Variants in TMEM182 observed in about 807,000 individuals in gnomAD.
TMEM182 encodes transmembrane protein 182.
In TMEM182, 20 loss-of-function variants were observed where a neutral mutation model predicts 26.8. The observed-to-expected ratio is 0.75, with a 90% confidence interval of 0.53 to 1.09. TMEM182 has a LOEUF of 1.09. TMEM182 is among the 50% of genes least tolerant of loss of function. The probability of loss-of-function intolerance (pLI) is 0.00; values close to 1 mark genes in which losing one functional copy is unlikely to be tolerated. For missense variants in TMEM182, 277 were observed against 275.5 expected, an observed-to-expected ratio of 1.01 and a Z score of -0.04; for synonymous variants, 109 against 102.2, an observed-to-expected ratio of 1.07 and a Z score of -0.40.
At chr2:102,776,205 G>T (rs1319047982) in intron 3 of TMEM182, among the ~76,000 whole-genome samples, 3 of 152,094 alleles carry the variant, frequency 2.0e-5, no homozygotes, top group African/African-American at 7.2e-5. Flanking sequence ...CTAAAGTCAG[G>T]ATTCACTCTT....
chr2:102,817,727 A>G (rs75614333), downstream of TMEM182: 2,199 of 982,930 alleles, frequency 2.2e-3, 49 homozygotes, highest in African/African-American at 0.035. Flanking sequence ...TATCATCAAT[A>G]TATATGGGTG....
intron 4 of TMEM182, among the ~76,000 whole-genome samples, chr2:102,808,716 G>A (rs1682437735): frequency 6.6e-6 from 1 of 152,080 alleles, no homozygotes; most frequent in South Asian, 2.1e-4. Flanking sequence ...AACAAATTTT[G>A]ATATACTCAT....
At chr2:102,810,887 G>T (rs1440202471) in intron 4 of TMEM182, among the ~76,000 whole-genome samples, 3 of 151,888 alleles carry the variant, frequency 2.0e-5, no homozygotes, top group Non-Finnish European at 2.9e-5. Flanking sequence ...AAGTAGGTTT[G>T]TAACTCATTG....
At chr2:102,823,339 A>ATT (rs201803701) in intron 3 of TMEM182, among the ~76,000 whole-genome samples, 158 of 151,630 alleles carry the variant, frequency 1.0e-3, no homozygotes, top group African/African-American at 3.7e-3. Context: ...TTTATTTTTT[A>ATT]TTTTTATTTT....
At chr2:102,840,216 T>G (rs1194815295) in intron 3 of TMEM182, among the ~76,000 whole-genome samples, 1 of 151,910 alleles carries the variant, frequency 6.6e-6, no homozygotes, top group African/African-American at 2.4e-5. Flanking sequence ...TGGGGAGGGA[T>G]GAGGGAGTGG....
exon 4 of TMEM182, chr2:102,843,479 G>A (rs753563818): frequency 2.0e-5 from 3 of 152,160 alleles, no homozygotes; most frequent in South Asian, 2.1e-4. Context: ...TGCGTGAAAC[G>A]TCTTCAGCCA....
At chr2:102,776,948 T>A (rs540624092) in intron 3 of TMEM182, among the ~76,000 whole-genome samples, 3 of 152,174 alleles carry the variant, frequency 2.0e-5, no homozygotes, top group Non-Finnish European at 4.4e-5. Flanking sequence ...GTATTTCTTC[T>A]TTTGTGAGGC....
downstream of TMEM182, among the ~76,000 whole-genome samples, chr2:102,820,127 C>A (rs1217201259): frequency 2.6e-5 from 4 of 152,178 alleles, no homozygotes; most frequent in African/African-American, 9.7e-5. Context: ...GATTGGTTCC[C>A]TGTCAGCTCC....
intron 3 of TMEM182, among the ~76,000 whole-genome samples, chr2:102,842,272 G>A (rs1683367561): frequency 1.3e-5 from 2 of 152,040 alleles, no homozygotes; most frequent in Admixed American, 6.6e-5. Context: ...TATTTATTCC[G>A]ATTGATGGTG....
rs528086935 is a variant in TMEM182, at chr2:102,816,863, G to T, written c.*1895G>T. On this transcript the variant is annotated 3_prime_UTR_variant, in exon 5 of 5. Coordinates refer to ENST00000412401, the MANE Select transcript of TMEM182 (RefSeq NM_144632.5). The stretch of plus-strand genomic sequence containing the variant: ...TTCTGGTGTACTGTATGCCATTTAA[G>T]TTTCACATACAAGCTGCTTTCGGCA... The T allele has an allele frequency of 7.4e-5, 73 of 985,630 alleles. No individual in the cohort carries two copies. Among genetic ancestry groups the T allele is most frequent in the Non-Finnish European group, 8.7e-5 (72 of 829,922 alleles). The allele number at this position is 985,630 out of a possible 1,614,324, so 61.1% of individuals were successfully genotyped here. A position where few individuals can be genotyped will look rare whatever the true frequency, so the allele number is the denominator to read the frequency against.
intron 4 of TMEM182, among the ~76,000 whole-genome samples, chr2:102,809,711 A>G (rs972174307): frequency 6.6e-6 from 1 of 152,206 alleles, no homozygotes; most frequent in Non-Finnish European, 1.5e-5. Flanking sequence ...AGCCACAATG[A>G]GGAAGCCGAT....
intron 3 of TMEM182, among the ~76,000 whole-genome samples, chr2:102,788,022 C>G (rs943060745): frequency 2.0e-5 from 3 of 152,112 alleles, no homozygotes; most frequent in African/African-American, 7.2e-5. Context: ...ATCACAGTGT[C>G]CCAGTGGGCT....
chr2:102,750,115 A>G (rs1053724084), intron 1 of TMEM182, among the ~76,000 whole-genome samples: 9 of 152,136 alleles, frequency 5.9e-5, no homozygotes, highest in African/African-American at 2.2e-4. Context: ...TTGCTTAAGT[A>G]GTATGCTACT....
intron 3 of TMEM182, among the ~76,000 whole-genome samples, chr2:102,786,370 G>A (rs1488651557): frequency 3.3e-5 from 5 of 151,838 alleles, no homozygotes; most frequent in South Asian, 2.1e-4. Flanking sequence ...GCCTGCCACC[G>A]CACCTGGCTA....
At chr2:102,755,739 C>T (rs547295183) in intron 1 of TMEM182, among the ~76,000 whole-genome samples, 1 of 152,260 alleles carries the variant, frequency 6.6e-6, no homozygotes, top group Non-Finnish European at 1.5e-5. Context: ...GCCAATGTCC[C>T]CAGTAACGTC....
intron 3 of TMEM182, among the ~76,000 whole-genome samples, chr2:102,783,203 A>T (rs1420834599): frequency 6.6e-6 from 1 of 152,220 alleles, no homozygotes; most frequent in African/African-American, 2.4e-5. Flanking sequence ...ACCCCCTCCT[A>T]AACCATATAC....
intron 4 of TMEM182, among the ~76,000 whole-genome samples, chr2:102,805,972 A>T (rs563699840): frequency 1.3e-5 from 2 of 152,304 alleles, no homozygotes; most frequent in South Asian, 4.1e-4. Context: ...GAAAAGGCAG[A>T]CTGAATTTCC....
At chr2:102,755,724 T>G (rs1186449717) in intron 1 of TMEM182, among the ~76,000 whole-genome samples, 1 of 152,206 alleles carries the variant, frequency 6.6e-6, no homozygotes, top group Non-Finnish European at 1.5e-5. Context: ...ATGCTATTTG[T>G]AGGGGCCAAT....
intron 1 of TMEM182, among the ~76,000 whole-genome samples, chr2:102,745,391 ATAGCTTCAACATAGGAGTCATATCTGGGT>A (rs1296053246): frequency 6.6e-6 from 1 of 152,074 alleles, no homozygotes; most frequent in East Asian, 1.9e-4. Flanking sequence ...TGATTGTGTG[ATAGCTTCAACATAGGAGTCATATCTGGGT>A]TTGCTTGTAA....
Sources: gnomAD v4.1 joint callset for allele counts (sites outside exome capture counted in the v4.1 genomes callset) on GRCh38, gnomAD v4.1.1 for gene constraint, MANE v1.5 for transcripts, NCBI Gene and HGNC (gene_info 2026-07-23, HGNC 2026-07-21) for gene names.